The following EPSTI1 variants were observed in gnomAD, a reference collection of about 807,000 sequenced individuals.
EPSTI1 encodes the protein epithelial stromal interaction 1.
EPSTI1 carries 66 observed loss-of-function variants against 49.9 expected under a neutral mutation model. The observed-to-expected ratio is 1.32, with a 90% CI of 1.08 to 1.62. EPSTI1 has a LOEUF of 1.62. Among genes scored for constraint, EPSTI1 ranks in the 40% most tolerant of loss-of-function variants. The pLI is 0.00. For synonymous variants in EPSTI1, 137 were observed against 130.7 expected, an observed-to-expected ratio of 1.05 and a Z score of -0.33; for missense variants, 394 against 365.5, an observed-to-expected ratio of 1.08 and a Z score of -0.64.
intron 6 of EPSTI1, among the ~76,000 whole-genome samples, chr13:42,929,486 G>A (rs1255369836): frequency 1.3e-5 from 2 of 152,090 alleles, no homozygotes; most frequent in South Asian, 4.1e-4. Context: ...CCTGTAGTAG[G>A]GTCTTTCTAA....
intron 8 of EPSTI1, among the ~76,000 whole-genome samples, chr13:42,909,957 C>T (rs1326272860): frequency 1.3e-5 from 2 of 152,104 alleles, no homozygotes; most frequent in African/African-American, 2.4e-5. Flanking sequence ...TAAGTGCTCT[C>T]ACCACAAAAA....
chr13:42,901,823 A>G (rs1407520293), intron 8 of EPSTI1, among the ~76,000 whole-genome samples: 4 of 152,052 alleles, frequency 2.6e-5, no homozygotes, highest in Admixed American at 6.6e-5. Context: ...TGTGCAGGTT[A>G]GTTACATATG....
chr13:42,890,729 C>CT (rs577993925), intron 10 of EPSTI1, among the ~76,000 whole-genome samples: 1 of 151,984 alleles, frequency 6.6e-6, no homozygotes, highest in Non-Finnish European at 1.5e-5. Context: ...AGTGCCAAGC[C>CT]TTTTTTTCTT....
Position 42,888,235 on chromosome 13 carries a change from T to C in EPSTI1, c.*259A>G, listed in dbSNP as rs1330693569. 5 of 1,613,076 alleles carry C rather than the reference T, an allele frequency of 3.1e-6. No homozygotes were observed. In the South Asian group the frequency reaches 5.5e-5, roughly 18 times the overall value. On this transcript the variant is annotated 3_prime_UTR_variant, in exon 11 of 11. Transcript: ENST00000313624. ...TTTTTCTACCCTACCAACATCACTC[T>C]AATTATACTTCCAATTAGAAAAATA...
intron 9 of EPSTI1, among the ~76,000 whole-genome samples, chr13:42,897,806 T>A (rs2037238163): frequency 6.6e-6 from 1 of 152,208 alleles, no homozygotes; most frequent in South Asian, 2.1e-4. Context: ...TTTCTCTCAA[T>A]TCCTATCAAG....
intron 1 of EPSTI1, among the ~76,000 whole-genome samples, chr13:42,983,823 C>G (rs577055161): frequency 4.6e-5 from 7 of 152,130 alleles, no homozygotes; most frequent in Non-Finnish European, 1.0e-4. Flanking sequence ...ACCTGACATA[C>G]TTAACACAAG....
At chr13:42,955,169 A>G (rs553930663) in intron 5 of EPSTI1, among the ~76,000 whole-genome samples, 1 of 152,320 alleles carries the variant, frequency 6.6e-6, no homozygotes, top group East Asian at 1.9e-4. Flanking sequence ...AAACTAATGG[A>G]AAATTGTAAA....
intron 1 of EPSTI1, among the ~76,000 whole-genome samples, chr13:42,990,103 A>G (rs2153437504): frequency 6.6e-6 from 1 of 151,916 alleles, no homozygotes; most frequent in Non-Finnish European, 1.5e-5. Context: ...AGTCATCCCA[A>G]CAGGATCTCA....
intron 6 of EPSTI1, among the ~76,000 whole-genome samples, chr13:42,937,091 T>G (rs1173891493): frequency 6.6e-6 from 1 of 152,192 alleles, no homozygotes. Context: ...TGCAATAAAG[T>G]GAGTCACATA....
At chr13:42,955,677 C>T (rs1288429461) in intron 5 of EPSTI1, among the ~76,000 whole-genome samples, 1 of 152,072 alleles carries the variant, frequency 6.6e-6, no homozygotes, top group Non-Finnish European at 1.5e-5. Context: ...TGGCAGGCAC[C>T]TGTAGTCCAA....
intron 6 of EPSTI1, among the ~76,000 whole-genome samples, chr13:42,936,840 C>T (rs1043649650): frequency 1.3e-5 from 2 of 152,132 alleles, no homozygotes; most frequent in Admixed American, 6.6e-5. Context: ...AACTTAAACT[C>T]TTGATATTTT....
At chr13:42,946,537 G>C (rs144165859) in intron 6 of EPSTI1, among the ~76,000 whole-genome samples, 4 of 152,144 alleles carry the variant, frequency 2.6e-5, no homozygotes, top group Non-Finnish European at 5.9e-5. Context: ...GTTGGGTCTG[G>C]GAAGAGGAGG....
intron 6 of EPSTI1, among the ~76,000 whole-genome samples, chr13:42,951,494 A>T (rs1018275978): frequency 1.3e-5 from 2 of 152,224 alleles, no homozygotes; most frequent in Non-Finnish European, 2.9e-5. Flanking sequence ...AAGCAGAAGA[A>T]AGAGCAAGAG....
intron 8 of EPSTI1, among the ~76,000 whole-genome samples, chr13:42,907,986 T>C (rs1433301412): frequency 6.6e-6 from 1 of 152,054 alleles, no homozygotes; most frequent in Non-Finnish European, 1.5e-5. Flanking sequence ...GCCAAGAACA[T>C]AGGGGAAAGG....
intron 7 of EPSTI1, among the ~76,000 whole-genome samples, chr13:42,918,168 G>C (rs565494972): frequency 1.3e-5 from 2 of 152,262 alleles, no homozygotes; most frequent in African/African-American, 4.8e-5. Flanking sequence ...CCTCTGAAAA[G>C]GAAAACAAAG....
intron 1 of EPSTI1, among the ~76,000 whole-genome samples, chr13:42,980,557 C>T (rs1024346919): frequency 2.6e-5 from 4 of 152,138 alleles, no homozygotes; most frequent in Non-Finnish European, 5.9e-5. Flanking sequence ...AACTTACTCA[C>T]TTTCGAGAAC....
At chr13:42,890,282 A>AT (rs1258321733) in intron 10 of EPSTI1, among the ~76,000 whole-genome samples, 1 of 120,110 alleles carries the variant, frequency 8.3e-6, no homozygotes, top group African/African-American at 3.1e-5. Context: ...AAATTTAAGA[A>AT]TTTTTTTTCT....
At chr13:42,983,135 A>G (rs988738376) in intron 1 of EPSTI1, among the ~76,000 whole-genome samples, 2 of 152,186 alleles carry the variant, frequency 1.3e-5, no homozygotes, top group African/African-American at 4.8e-5. Flanking sequence ...CTTTTTTTAT[A>G]GGGATATCAG....
chr13:42,992,211 T>A lies in EPSTI1; in HGVS notation c.-46A>T. The A allele has an allele frequency of 2.7e-6, 4 of 1,492,736 alleles. No individual in the cohort carries two copies. Among genetic ancestry groups the A allele is most frequent in the Non-Finnish European group, 3.6e-6 (4 of 1,120,270 alleles). 92.5% of individuals were successfully genotyped at this position (1,492,736 alleles called of 1,614,324 possible). A position where few individuals can be genotyped will look rare whatever the true frequency, so the allele number is the denominator to read the frequency against. ...CGGGCCGCCGTCGCTGCGGGAGGGA[T>A]GCGGCTGGGACGCTTAGCGAGTCTC... On this transcript the variant is annotated 5_prime_UTR_variant, in exon 1 of 11. Coordinates refer to ENST00000313624, the MANE Select transcript of EPSTI1 (RefSeq NM_033255.5).
Sources: gnomAD v4.1 joint callset for allele counts (sites outside exome capture counted in the v4.1 genomes callset) on GRCh38, gnomAD v4.1.1 for gene constraint, MANE v1.5 for transcripts, NCBI Gene and HGNC (gene_info 2026-07-23, HGNC 2026-07-21) for gene names.